NRG1: variants seen among roughly 807,000 people sequenced by gnomAD.
NRG1 encodes the protein neuregulin 1.
In NRG1, 18 loss-of-function variants were observed where a neutral mutation model predicts 63.8. That is an observed-to-expected ratio of 0.28 (90% confidence interval 0.19 to 0.42). The LOEUF (loss-of-function observed/expected upper bound fraction) is 0.42. Ranked by LOEUF, NRG1 falls within the 10% of genes least tolerant of loss-of-function variation. NRG1 has a pLI of 1.00. For synonymous variants in NRG1, 302 were observed against 301.3 expected, an observed-to-expected ratio of 1.00 and a Z score of -0.02; for missense variants, 762 against 814.7, an observed-to-expected ratio of 0.94 and a Z score of 0.79.
chr8:31,642,769 C>G lies in NRG1; in HGVS notation c.37+3338C>G, dbSNP rs75881927. Among the ~76,000 whole-genome samples, 457 of 152,100 alleles carry G rather than the reference C, an allele frequency of 3.0e-3. 1 individual carries two copies. Among genetic ancestry groups the G allele is most frequent in the African/African-American group, 0.011 (442 of 41,498 alleles). On this transcript the variant is annotated intron_variant, in intron 1 of 10. Transcript: ENST00000519301. ...TTCTGTAGCTATTGTGTGTGCTTGG[C>G]GATTTTTGTGTTATATGATTTAAAG... is the stretch of plus-strand genomic sequence containing the variant.
intron 1 of NRG1, among the ~76,000 whole-genome samples, chr8:32,054,717 C>T (rs1776137981): frequency 6.6e-6 from 1 of 152,050 alleles, no homozygotes; most frequent in African/African-American, 2.4e-5. Flanking sequence ...TATTTAGAAA[C>T]ACTCTGACAT....
intron 1 of NRG1, among the ~76,000 whole-genome samples, chr8:31,936,904 G>A (rs1221434462): frequency 6.6e-6 from 1 of 152,132 alleles, no homozygotes; most frequent in East Asian, 1.9e-4. Context: ...AGTCAGCAAA[G>A]CTTACCTTTT....
At chr8:32,607,344 T>C (rs867151602) in intron 3 of NRG1, among the ~76,000 whole-genome samples, 2 of 152,278 alleles carry the variant, frequency 1.3e-5, no homozygotes, top group Middle Eastern at 3.4e-3. Flanking sequence ...TGTCACTGGC[T>C]TGGTTCAGTG....
chr8:32,316,131 G>A (rs1051081335), intron 1 of NRG1, among the ~76,000 whole-genome samples: 2 of 152,130 alleles, frequency 1.3e-5, no homozygotes, highest in Admixed American at 6.5e-5. Context: ...TGAAAGTGCC[G>A]CAACATTCAT....
intron 1 of NRG1, among the ~76,000 whole-genome samples, chr8:31,695,232 C>A (rs1348292488): frequency 1.3e-5 from 2 of 152,106 alleles, no homozygotes; most frequent in Admixed American, 1.3e-4. Context: ...TGCAGTGGTG[C>A]GATTTTGGCT....
At chr8:32,042,746 T>A (rs1820274061) in intron 1 of NRG1, among the ~76,000 whole-genome samples, 1 of 149,794 alleles carries the variant, frequency 6.7e-6, no homozygotes. Context: ...AAAAACACAA[T>A]AACTCAATTA....
At chr8:32,103,010 A>G (rs1830769591) in intron 1 of NRG1, among the ~76,000 whole-genome samples, 1 of 152,200 alleles carries the variant, frequency 6.6e-6, no homozygotes, top group Non-Finnish European at 1.5e-5. Flanking sequence ...TGGGGTATCC[A>G]TCTCCTCAAG....
intron 1 of NRG1, among the ~76,000 whole-genome samples, chr8:32,253,372 G>A (rs1318548720): frequency 1.3e-5 from 2 of 152,060 alleles, no homozygotes; most frequent in African/African-American, 4.8e-5. Context: ...TCCATCAATA[G>A]GTAGTTTATT....
At chr8:32,215,286 T>A (rs1845096450) in intron 1 of NRG1, among the ~76,000 whole-genome samples, 1 of 152,206 alleles carries the variant, frequency 6.6e-6, no homozygotes, top group South Asian at 2.1e-4. Flanking sequence ...TCCCAAAAGT[T>A]GAGAAGGCAT....
At position 32,334,029 on chromosome 8, in the gene NRG1, C is replaced by T. The variant is rs368558154; in HGVS notation, c.38-261799C>T. ...TTTTCTTGAATCTCCTTTCCTGTTA[C>T]CCTCCTGCACAATTAAAAACTTGCA... is the stretch of plus-strand genomic sequence containing the variant. On this transcript the variant is annotated intron_variant, in intron 1 of 10. Transcript: ENST00000519301. 1.2e-4 allele frequency among the ~76,000 whole-genome samples: 18 copies of T among 152,310 alleles called. No homozygotes were observed. In the East Asian group the frequency reaches 1.9e-3, roughly 16 times the overall value.
intron 1 of NRG1, among the ~76,000 whole-genome samples, chr8:32,572,263 T>G (rs1838742715): frequency 6.6e-6 from 1 of 152,132 alleles, no homozygotes; most frequent in Admixed American, 6.6e-5. Context: ...AGCTTCTTTC[T>G]GCTAATTCCC....
chr8:32,683,223 T>C (rs1452256938), intron 5 of NRG1, among the ~76,000 whole-genome samples: 1 of 152,250 alleles, frequency 6.6e-6, no homozygotes, highest in African/African-American at 2.4e-5. Context: ...ATTTATTCTT[T>C]GCTTTAGAAT....
chr8:32,422,053 A>T (rs576194557), intron 1 of NRG1, among the ~76,000 whole-genome samples: 1 of 152,180 alleles, frequency 6.6e-6, no homozygotes, highest in African/African-American at 2.4e-5. Context: ...CATTATGTGG[A>T]TGATGATTTC....
chr8:32,586,192 T>G (rs1563710336), intron 1 of NRG1, among the ~76,000 whole-genome samples: 1 of 149,282 alleles, frequency 6.7e-6, no homozygotes, highest in Non-Finnish European at 1.5e-5. Flanking sequence ...ATAATGTGTA[T>G]ATGTATACAT....
At chr8:31,937,998 G>C (rs902067657) in intron 1 of NRG1, among the ~76,000 whole-genome samples, 1 of 152,092 alleles carries the variant, frequency 6.6e-6, no homozygotes, top group Non-Finnish European at 1.5e-5. Context: ...CACTGCCTAA[G>C]AAACCTTAAT....
intron 1 of NRG1, among the ~76,000 whole-genome samples, chr8:32,256,015 G>A (rs1188967133): frequency 7.9e-5 from 12 of 152,104 alleles, no homozygotes; most frequent in Admixed American, 7.9e-4. Flanking sequence ...GTCGATACTT[G>A]TGTATGCTTC....
At chr8:32,295,572 C>A (rs1854742058) in intron 1 of NRG1, among the ~76,000 whole-genome samples, 1 of 152,130 alleles carries the variant, frequency 6.6e-6, no homozygotes, top group Non-Finnish European at 1.5e-5. Context: ...AAACTATGTT[C>A]TTTGCATGTT....
At chr8:32,130,919 A>G (rs1834727731) in intron 1 of NRG1, among the ~76,000 whole-genome samples, 1 of 152,006 alleles carries the variant, frequency 6.6e-6, no homozygotes, top group African/African-American at 2.4e-5. Flanking sequence ...GGCAGTTTGC[A>G]GCTTGCATTC....
intron 5 of NRG1, among the ~76,000 whole-genome samples, chr8:32,653,006 A>G (rs1855464146): frequency 6.6e-6 from 1 of 152,332 alleles, no homozygotes; most frequent in East Asian, 1.9e-4. Flanking sequence ...CACAGAGTCC[A>G]TTGAACGTTC....
Sources: gnomAD v4.1 joint callset for allele counts (sites outside exome capture counted in the v4.1 genomes callset) on GRCh38, gnomAD v4.1.1 for gene constraint, MANE v1.5 for transcripts, NCBI Gene and HGNC (gene_info 2026-07-23, HGNC 2026-07-21) for gene names.